MEGF9: variants seen among roughly 807,000 people sequenced by gnomAD.
The protein encoded by MEGF9 is multiple EGF like domains 9, also known as multiple epidermal growth factor-like domains protein 9.
In MEGF9, 6 loss-of-function variants were observed where a neutral mutation model predicts 46.8. The ratio of observed to expected loss-of-function variants is 0.13; its 90% confidence interval spans 0.07 to 0.25. MEGF9 has a LOEUF of 0.25. MEGF9 is among the 10% of genes least tolerant of loss of function. The pLI is 1.00. For synonymous variants in MEGF9, 302 were observed against 330.7 expected (o/e 0.91, Z 0.94); for missense variants, 683 against 792.4 (o/e 0.86, Z 1.66).
intron 1 of MEGF9, among the ~76,000 whole-genome samples, chr9:120,670,793 A>C (rs950902654): frequency 6.6e-6 from 1 of 151,962 alleles, no homozygotes; most frequent in South Asian, 2.1e-4. Flanking sequence ...CCAGGACTCT[A>C]CTCTGCCCAC....
At chr9:120,683,498 G>GT (rs941318900) in intron 1 of MEGF9, among the ~76,000 whole-genome samples, 4 of 152,188 alleles carry the variant, frequency 2.6e-5, no homozygotes, top group Non-Finnish European at 5.9e-5. Context: ...TTATAAGGCA[G>GT]TTTTCCCTGC....
intron 2 of MEGF9, among the ~76,000 whole-genome samples, chr9:120,644,888 ACACATTAAGTATAGTAAAATG>A (rs1273608249): frequency 2.0e-5 from 3 of 152,230 alleles, no homozygotes; most frequent in African/African-American, 7.2e-5. Flanking sequence ...AGGTTTTAAA[ACACATTAAGTATAGTAAAATG>A]CCCTATAAGA....
Position 120,714,274 on chromosome 9 carries a change from C to A in MEGF9, c.85G>T (p.Ala29Ser), listed in dbSNP as rs1227270255. 2.4e-6 allele frequency: 3 copies of A among 1,249,578 alleles called. No homozygotes were observed. The highest frequency in any genetic ancestry group is 3.1e-5 in the South Asian group (1 of 32,112). 77.4% of individuals were successfully genotyped at this position (1,249,578 alleles called of 1,614,324 possible). The change falls in exon 1 of 6, where the codon GCC (alanine) becomes TCC (serine). Residue 29 changes from alanine to serine, a missense_variant. Transcript: ENST00000373930. ...GAGGCGGCTGAGGCGACGGCGGCGGCGGCGGCGGCGGCGGCGCAGCACAAC... is the reference window on the plus strand; with the variant it reads ...GAGGCGGCTGAGGCGACGGCGGCGGAGGCGGCGGCGGCGGCGCAGCACAAC... ...ALLCCAAAAA[A>S]AAVASAASAG...
chr9:120,657,930 C>G (rs2043684825), intron 2 of MEGF9, among the ~76,000 whole-genome samples: 2 of 151,834 alleles, frequency 1.3e-5, no homozygotes, highest in South Asian at 4.1e-4. Context: ...TATTAAGCAT[C>G]AGAAGCATTG....
At chr9:120,651,675 C>T (rs1481712202) in intron 2 of MEGF9, among the ~76,000 whole-genome samples, 2 of 144,734 alleles carry the variant, frequency 1.4e-5, no homozygotes, top group African/African-American at 5.2e-5. Context: ...TTTTTTGAGA[C>T]AGAGTCTTGC....
chr9:120,639,238 G>A (rs894473791), intron 2 of MEGF9, among the ~76,000 whole-genome samples: 6 of 152,002 alleles, frequency 3.9e-5, no homozygotes, highest in Admixed American at 1.3e-4. Flanking sequence ...GGCAGGGCAC[G>A]GTGCTCATGC....
intron 2 of MEGF9, among the ~76,000 whole-genome samples, chr9:120,654,755 C>T (rs1383361586): frequency 6.6e-6 from 1 of 152,108 alleles, no homozygotes; most frequent in Non-Finnish European, 1.5e-5. Context: ...ATGACAGCTC[C>T]ATGCATGTTA....
intron 1 of MEGF9, among the ~76,000 whole-genome samples, chr9:120,676,945 G>GTT (rs1431648759): frequency 6.6e-6 from 1 of 152,116 alleles, no homozygotes; most frequent in East Asian, 1.9e-4. Context: ...GAGTTAGCGG[G>GTT]TAAGTGGTTG....
At chr9:120,655,977 A>G (rs1316312718) in intron 2 of MEGF9, among the ~76,000 whole-genome samples, 1 of 152,188 alleles carries the variant, frequency 6.6e-6, no homozygotes, top group Non-Finnish European at 1.5e-5. Context: ...ACATAAATGT[A>G]AATATGTATT....
At chr9:120,624,635 G>A (rs143954045) in intron 2 of MEGF9, among the ~76,000 whole-genome samples, 107 of 152,282 alleles carry the variant, frequency 7.0e-4, no homozygotes, top group African/African-American at 2.5e-3. Flanking sequence ...GGGAGGCTGA[G>A]GTGGGTGGGT....
At chr9:120,642,879 T>C (rs1344975087) in intron 2 of MEGF9, among the ~76,000 whole-genome samples, 1 of 152,236 alleles carries the variant, frequency 6.6e-6, no homozygotes, top group East Asian at 1.9e-4. Flanking sequence ...CATGCCTATG[T>C]TCCTTCTGTA....
chr9:120,674,057 A>G (rs948376815), intron 1 of MEGF9, among the ~76,000 whole-genome samples: 4 of 152,106 alleles, frequency 2.6e-5, no homozygotes, highest in Non-Finnish European at 5.9e-5. Context: ...AAGAAAACAC[A>G]GAAGAAAATA....
intron 1 of MEGF9, among the ~76,000 whole-genome samples, chr9:120,663,056 T>A (rs73552146): frequency 0.056 from 8,545 of 152,234 alleles, 801 homozygotes; most frequent in African/African-American, 0.19. Context: ...AATCAGTTTA[T>A]CTGTAGCAGG....
chr9:120,710,424 T>TAAA (rs61674473), intron 1 of MEGF9, among the ~76,000 whole-genome samples: 1,780 of 99,760 alleles, frequency 0.018, 35 homozygotes, highest in Admixed American at 0.025. Context: ...AACTCCGTCT[T>TAAA]AAAAAAAAAA....
chr9:120,685,918 A>G (rs2043820217), intron 1 of MEGF9, among the ~76,000 whole-genome samples: 1 of 152,192 alleles, frequency 6.6e-6, no homozygotes, highest in African/African-American at 2.4e-5. Context: ...CACATGCTAC[A>G]ACATGGAGAA....
At chr9:120,623,553 T>C (rs2043511053) in intron 2 of MEGF9, among the ~76,000 whole-genome samples, 1 of 152,224 alleles carries the variant, frequency 6.6e-6, no homozygotes, top group Non-Finnish European at 1.5e-5. Context: ...GTATAGGAGA[T>C]GTTTTTAAAA....
In MEGF9 at chr9:120,605,272, C is replaced by T. The variant is rs1229444053; in HGVS notation, c.1727G>A (p.Gly576Glu). The T allele has an allele frequency of 6.2e-7, 1 of 1,613,900 alleles. No individual in the cohort carries two copies. Among genetic ancestry groups the T allele is most frequent in the Non-Finnish European group, 8.5e-7 (1 of 1,179,896 alleles). The change falls in exon 6 of 6, where the codon GGA becomes GAA. Residue 576 changes from glycine (G) to glutamate (E), a missense_variant. Physicochemically the swap from Gly to Glu is moderately conservative, Grantham distance 98. Around this residue, in one of 2 missense-constraint regions of MEGF9, gnomAD observed 313 missense variants for 421.1 expected, o/e 0.74. Coordinates refer to ENST00000373930, the MANE Select transcript of MEGF9 (RefSeq NM_001080497.3). The surrounding 1 kb of genome is among the most constrained non-coding windows in gnomAD (Gnocchi z 4.0). ...TTCATTGCCATCATCTTCCAACAATCCCGAAACATCTGCATTGGGAATGCT... is the reference window on the plus strand; with the variant it reads ...TTCATTGCCATCATCTTCCAACAATTCCGAAACATCTGCATTGGGAATGCT... ...HDSIPNADVS[G>E]LLEDDGNEVA...
At chr9:120,689,131 TGAATA>T (rs1365083268) in intron 1 of MEGF9, among the ~76,000 whole-genome samples, 3 of 152,200 alleles carry the variant, frequency 2.0e-5, no homozygotes, top group African/African-American at 7.2e-5. Context: ...AACAGAAATA[TGAATA>T]GAACATTATG....
intron 2 of MEGF9, among the ~76,000 whole-genome samples, chr9:120,657,112 T>C (rs1246141167): frequency 6.6e-6 from 1 of 152,200 alleles, no homozygotes; most frequent in Non-Finnish European, 1.5e-5. Flanking sequence ...TAGTCAATGC[T>C]GCCACTATAG....
Sources: gnomAD v4.1 joint callset for allele counts (sites outside exome capture counted in the v4.1 genomes callset) on GRCh38, gnomAD v4.1.1 for gene constraint, gnomAD v4.1.1 regional missense constraint, Gnocchi (gnomAD v3.1) non-coding constraint, MANE v1.5 for transcripts, NCBI Gene and HGNC (gene_info 2026-07-23, HGNC 2026-07-21) for gene names.